TIMP3: variants seen among roughly 807,000 people sequenced by gnomAD.
The protein encoded by TIMP3 is metalloproteinase inhibitor 3.
In TIMP3, 11 loss-of-function variants were observed where a neutral mutation model predicts 30.0. The ratio of observed to expected loss-of-function variants is 0.37; its 90% CI spans 0.23 to 0.61. The LOEUF is 0.61. Ranked by LOEUF, TIMP3 falls within the 20% of genes least tolerant of loss-of-function variation. The pLI, the probability that TIMP3 is intolerant of heterozygous loss-of-function variation, is 0.70. For synonymous variants in TIMP3, 112 were observed against 111.3 expected, an observed-to-expected ratio of 1.01 and a Z score of -0.04; for missense variants, 181 against 276.8, an observed-to-expected ratio of 0.65 and a Z score of 2.45.
intron 2 of TIMP3, among the ~76,000 whole-genome samples, chr22:32,854,969 C>T (rs1459727622): frequency 6.6e-6 from 1 of 152,186 alleles, no homozygotes; most frequent in Non-Finnish European, 1.5e-5. Context: ...TGAGAAAACG[C>T]CAGCTCACAG....
At chr22:32,821,620 C>A (rs887128644) in intron 1 of TIMP3, among the ~76,000 whole-genome samples, 1 of 152,184 alleles carries the variant, frequency 6.6e-6, no homozygotes, top group African/African-American at 2.4e-5. Context: ...CAAGGCAAAT[C>A]GGATGGAAGA....
intron 1 of TIMP3, among the ~76,000 whole-genome samples, chr22:32,805,784 C>T (rs1342886203): frequency 6.6e-6 from 1 of 152,110 alleles, no homozygotes; most frequent in African/African-American, 2.4e-5. Context: ...AAAAACCTTT[C>T]AACTTTCATT....
At chr22:32,848,862 C>T (rs780079299) in intron 1 of TIMP3, among the ~76,000 whole-genome samples, 1 of 150,802 alleles carries the variant, frequency 6.6e-6, no homozygotes, top group Non-Finnish European at 1.5e-5. Context: ...ACCACATCCC[C>T]ATAGAGCTCA....
At chr22:32,817,062 T>A (rs1227888229) in intron 1 of TIMP3, among the ~76,000 whole-genome samples, 20 of 145,146 alleles carry the variant, frequency 1.4e-4, no homozygotes, top group African/African-American at 2.5e-4. Flanking sequence ...TCTACTAATT[T>A]AAAAAAAAAA....
At chr22:32,822,936 A>C (rs370389662) in intron 1 of TIMP3, among the ~76,000 whole-genome samples, 1 of 151,266 alleles carries the variant, frequency 6.6e-6, no homozygotes, top group African/African-American at 2.4e-5. Flanking sequence ...CAACAAAAAA[A>C]AAACAGAGAG....
intron 1 of TIMP3, among the ~76,000 whole-genome samples, chr22:32,843,964 C>T (rs1055040156): frequency 4.6e-5 from 7 of 152,016 alleles, no homozygotes; most frequent in African/African-American, 1.7e-4. Flanking sequence ...GGTATCTCAC[C>T]TGCTAGATAG....
chr22:32,858,233 TGGG>T, intron 4 of TIMP3, 95 bp downstream of exon 4: 1 of 1,560,730 alleles, frequency 6.4e-7, no homozygotes, highest in Non-Finnish European at 8.7e-7. Flanking sequence ...GGCCCTCGGC[TGGG>T]AAGGGTATGC....
intron 2 of TIMP3, among the ~76,000 whole-genome samples, chr22:32,851,010 T>A (rs1271763558): frequency 6.6e-6 from 1 of 152,194 alleles, no homozygotes; most frequent in Non-Finnish European, 1.5e-5. Context: ...TCTGGTTATG[T>A]AATGTCCAGA....
intron 2 of TIMP3, among the ~76,000 whole-genome samples, chr22:32,852,773 T>C (rs2048257845): frequency 6.6e-6 from 1 of 152,060 alleles, no homozygotes; most frequent in Admixed American, 6.5e-5. Context: ...TGTTAGAATG[T>C]TGAGAGAGCT....
intron 1 of TIMP3, among the ~76,000 whole-genome samples, chr22:32,841,731 C>T (rs533138717): frequency 3.3e-5 from 5 of 151,984 alleles, no homozygotes; most frequent in African/African-American, 9.6e-5. Flanking sequence ...AGCTAATGCA[C>T]ACTCGGCTTA....
chr22:32,849,626 G>A, intron 2 of TIMP3, 92 bp downstream of exon 2: 3 of 1,122,648 alleles, frequency 2.7e-6, no homozygotes, highest in East Asian at 2.6e-5. Flanking sequence ...TTGGAACTGG[G>A]GTGTGTGTCT....
At chr22:32,808,208 A>C (rs1415112878) in intron 1 of TIMP3, among the ~76,000 whole-genome samples, 1 of 152,198 alleles carries the variant, frequency 6.6e-6, no homozygotes, top group Non-Finnish European at 1.5e-5. Context: ...GAGGACTTAC[A>C]TGGACTCAGG....
At chr22:32,805,940 G>A (rs1347259471) in intron 1 of TIMP3, among the ~76,000 whole-genome samples, 2 of 151,826 alleles carry the variant, frequency 1.3e-5, no homozygotes, top group Non-Finnish European at 2.9e-5. Flanking sequence ...CTTTAGGGAG[G>A]GAGAGCTTAT....
At chr22:32,814,133 TGTGTGTGTGAGAGA>T (rs761543282) in intron 1 of TIMP3, among the ~76,000 whole-genome samples, 8 of 75,622 alleles carry the variant, frequency 1.1e-4, no homozygotes, top group East Asian at 4.3e-4. Context: ...TGTGTGTGTG[TGTGTGTGTGAGAGA>T]GAGAGAGAGA....
At chr22:32,850,211 C>A (rs2048180702) in intron 2 of TIMP3, among the ~76,000 whole-genome samples, 1 of 151,638 alleles carries the variant, frequency 6.6e-6, no homozygotes, top group African/African-American at 2.4e-5. Flanking sequence ...AAAAAGAACA[C>A]CAGATTTGAA....
chr22:32,832,894 A>AT (rs893225242), intron 1 of TIMP3, among the ~76,000 whole-genome samples: 6 of 150,390 alleles, frequency 4.0e-5, no homozygotes, highest in Admixed American at 2.0e-4. Context: ...TTCCCAGCTA[A>AT]TTTTTTTTTC....
At chr22:32,833,494 T>C (rs1189383072) in intron 1 of TIMP3, among the ~76,000 whole-genome samples, 1 of 152,136 alleles carries the variant, frequency 6.6e-6, no homozygotes, top group Admixed American at 6.5e-5. Context: ...CACTGGGCAG[T>C]TTAACCTTGG....
At chr22:32,838,798 C>CTCAT (rs764160761) in intron 1 of TIMP3, among the ~76,000 whole-genome samples, 9 of 152,066 alleles carry the variant, frequency 5.9e-5, no homozygotes, top group South Asian at 4.2e-4. Flanking sequence ...CTCCCACAGC[C>CTCAT]TCATTCATTC....
At chr22:32,835,963 T>C (rs923863226) in intron 1 of TIMP3, among the ~76,000 whole-genome samples, 5 of 152,220 alleles carry the variant, frequency 3.3e-5, no homozygotes, top group African/African-American at 9.6e-5. Flanking sequence ...AATTCAGTCT[T>C]GGGAATTTTC....
Sources: gnomAD v4.1 joint callset for allele counts (sites outside exome capture counted in the v4.1 genomes callset) on GRCh38, gnomAD v4.1.1 for gene constraint, MANE v1.5 for transcripts, NCBI Gene and HGNC (gene_info 2026-07-23, HGNC 2026-07-21) for gene names.